The following IGSF11 variants were observed in gnomAD, a reference collection of about 807,000 sequenced individuals.
The protein encoded by IGSF11 is CXADR like 1.
Under a neutral mutation model 41.0 loss-of-function variants are expected in IGSF11, and 22 were observed. That is an observed-to-expected ratio of 0.54 (90% CI 0.38 to 0.77). The LOEUF is 0.77. IGSF11 is among the 30% of genes least tolerant of loss of function. The probability of loss-of-function intolerance (pLI) is 0.00; values close to 1 mark genes in which losing one functional copy is unlikely to be tolerated. For missense variants in IGSF11, 444 were observed against 530.8 expected (o/e 0.84, Z 1.61); for synonymous variants, 219 against 201.3 (o/e 1.09, Z -0.74).
intron 1 of IGSF11, among the ~76,000 whole-genome samples, chr3:119,039,855 A>G (rs1226009020): frequency 6.6e-6 from 1 of 152,184 alleles, no homozygotes; most frequent in Non-Finnish European, 1.5e-5. Context: ...TTGCAAAATT[A>G]TGACGGAGAC....
intron 1 of IGSF11, among the ~76,000 whole-genome samples, chr3:119,126,037 G>A (rs756165157): frequency 5.9e-5 from 9 of 152,228 alleles, no homozygotes; most frequent in Non-Finnish European, 1.0e-4. Flanking sequence ...GACCAGCACC[G>A]GCTGCTGCTG....
intron 1 of IGSF11, among the ~76,000 whole-genome samples, chr3:119,018,437 C>A (rs756221576): frequency 8.5e-5 from 13 of 152,342 alleles, no homozygotes; most frequent in Non-Finnish European, 1.8e-4. Context: ...CAGACAAAAT[C>A]ACCACAAAGG....
intron 1 of IGSF11, among the ~76,000 whole-genome samples, chr3:119,009,532 G>A (rs1321823921): frequency 6.6e-6 from 1 of 152,100 alleles, no homozygotes; most frequent in African/African-American, 2.4e-5. Context: ...TTGTGAAGAA[G>A]GTACTTGCTT....
intron 1 of IGSF11, among the ~76,000 whole-genome samples, chr3:119,074,293 A>T (rs1467417547): frequency 6.6e-6 from 1 of 152,216 alleles, no homozygotes. Flanking sequence ...ATTTAAAAAA[A>T]TAGAAATAAC....
chr3:119,101,049 C>G (rs113241037), intron 1 of IGSF11, among the ~76,000 whole-genome samples: 40 of 152,300 alleles, frequency 2.6e-4, no homozygotes, highest in Non-Finnish European at 5.0e-4. Context: ...CTCTTCCTCA[C>G]TACTCATCAT....
intron 1 of IGSF11, among the ~76,000 whole-genome samples, chr3:119,015,269 T>A (rs1328223593): frequency 6.6e-6 from 1 of 152,160 alleles, no homozygotes; most frequent in Admixed American, 6.5e-5. Flanking sequence ...ACAAAATTAT[T>A]AAAGTTTCGT....
chr3:119,100,366 T>C (rs1244919762), intron 1 of IGSF11, among the ~76,000 whole-genome samples: 2 of 152,156 alleles, frequency 1.3e-5, no homozygotes, highest in Admixed American at 1.3e-4. Context: ...ATGTGGAGTG[T>C]TGGATAAGAG....
At chr3:119,026,866 A>C (rs1939879488) in intron 1 of IGSF11, among the ~76,000 whole-genome samples, 1 of 152,204 alleles carries the variant, frequency 6.6e-6, no homozygotes, top group African/African-American at 2.4e-5. Flanking sequence ...AAACTTATAT[A>C]TTTAGCAGAC....
At chr3:118,997,589 G>T (rs1270278726) in intron 1 of IGSF11, among the ~76,000 whole-genome samples, 2 of 129,982 alleles carry the variant, frequency 1.5e-5, no homozygotes, top group African/African-American at 5.9e-5. Context: ...ATTTCCAAAT[G>T]ACTTCTCTAT....
In IGSF11 at chr3:119,076,967, C is replaced by G. The variant is rs1054635882; in HGVS notation, c.49+28177G>C. The stretch of plus-strand genomic sequence containing the variant: ...TCAGGCTGCTATAAAGGCACATGCA[C>G]ACGCATGTTTATTGTGGCACTATTC... On this transcript the variant is annotated intron_variant, in intron 1 of 6. Transcript: ENST00000354673. Among the ~76,000 whole-genome samples, 5 of 152,296 alleles carry G rather than the reference C, an allele frequency of 3.3e-5. 1 individual carries two copies. Among genetic ancestry groups the G allele is most frequent in the East Asian group, 3.9e-4 (2 of 5,178 alleles).
chr3:119,031,617 G>A (rs531580146), intron 1 of IGSF11, among the ~76,000 whole-genome samples: 12 of 152,262 alleles, frequency 7.9e-5, no homozygotes, highest in African/African-American at 2.9e-4. Flanking sequence ...TAAGCATAAC[G>A]CTTTTTAAGT....
At chr3:118,946,600 C>G (rs1944160725) in intron 1 of IGSF11, among the ~76,000 whole-genome samples, 1 of 152,164 alleles carries the variant, frequency 6.6e-6, no homozygotes, top group Non-Finnish European at 1.5e-5. Flanking sequence ...AGGATTATGA[C>G]TTTGTGTCCA....
chr3:119,004,593 G>A (rs1291763969), intron 1 of IGSF11, among the ~76,000 whole-genome samples: 1 of 141,432 alleles, frequency 7.1e-6, no homozygotes, highest in Non-Finnish European at 1.5e-5. Flanking sequence ...TTCTCTTGTG[G>A]GCATTTAGTG....
At chr3:118,955,257 C>T (rs1576472583) in intron 1 of IGSF11, among the ~76,000 whole-genome samples, 2 of 148,264 alleles carry the variant, frequency 1.3e-5, no homozygotes, top group South Asian at 4.3e-4. Flanking sequence ...CACACACATA[C>T]ACACACACAC....
intron 1 of IGSF11, among the ~76,000 whole-genome samples, chr3:119,100,128 T>A (rs568031705): frequency 1.4e-4 from 21 of 152,190 alleles, no homozygotes; most frequent in Non-Finnish European, 2.4e-4. Context: ...ACTGCAATTG[T>A]GGGTAACTGA....
chr3:119,002,826 A>G lies in IGSF11; in HGVS notation c.52+31705T>C, dbSNP rs1476538839. On this transcript the variant is annotated intron_variant, in intron 1 of 6. Coordinates refer to ENST00000393775, the MANE Select transcript of IGSF11 (RefSeq NM_001015887.3). Reference sequence around the variant, plus strand: ...CTGAGGGCTCTGTTCTGTTCCATTGATCTATATCTCTGTTTTGGTACCAGT... The same window carrying G: ...CTGAGGGCTCTGTTCTGTTCCATTGGTCTATATCTCTGTTTTGGTACCAGT... Among the ~76,000 whole-genome samples the G allele has an allele frequency of 1.7e-4, 12 of 70,694 alleles. No homozygotes were observed. In the South Asian group the frequency reaches 1.8e-3, roughly 10 times the overall value. 46.4% of individuals were successfully genotyped at this position (70,694 alleles called of 152,430 possible).
intron 1 of IGSF11, among the ~76,000 whole-genome samples, chr3:118,971,468 TGAAAA>T (rs1933407137): frequency 6.6e-6 from 1 of 152,052 alleles, no homozygotes. Context: ...TTAATTATCC[TGAAAA>T]GAAGTGACTG....
chr3:118,908,364 G>A (rs1939867795), intron 4 of IGSF11, among the ~76,000 whole-genome samples: 1 of 152,086 alleles, frequency 6.6e-6, no homozygotes, highest in Non-Finnish European at 1.5e-5. Context: ...ATATAATCAG[G>A]GAAGGAGACA....
intron 1 of IGSF11, among the ~76,000 whole-genome samples, chr3:118,931,135 T>G (rs1294344382): frequency 6.6e-6 from 1 of 152,160 alleles, no homozygotes; most frequent in Admixed American, 6.6e-5. Context: ...AAATAGTCTT[T>G]TCAACAAATG....
Sources: allele counts gnomAD v4.1 joint callset (sites outside exome capture counted in the v4.1 genomes callset), GRCh38; gene constraint gnomAD v4.1.1; transcripts MANE v1.5; gene names NCBI Gene and HGNC (gene_info 2026-07-23, HGNC 2026-07-21).